Variants in CTNNA2 observed in about 807,000 individuals in gnomAD.
CTNNA2 encodes the protein catenin alpha-2.
CTNNA2 carries 42 observed loss-of-function variants against 101.0 expected under a neutral mutation model. That is an observed-to-expected ratio of 0.42 (90% CI 0.32 to 0.54). CTNNA2 has a LOEUF of 0.54. CTNNA2 is among the 20% of genes least tolerant of loss of function. The pLI is 0.14. For synonymous variants in CTNNA2, 450 were observed against 456.4 expected, an observed-to-expected ratio of 0.99 and a Z score of 0.18; for missense variants, 871 against 1,223.1, an observed-to-expected ratio of 0.71 and a Z score of 4.29.
chr2:80,060,985 C>T (rs559590931), intron 7 of CTNNA2, among the ~76,000 whole-genome samples: 2 of 152,210 alleles, frequency 1.3e-5, no homozygotes, highest in South Asian at 4.1e-4. Flanking sequence ...AGAACTACCC[C>T]CTGGAATGGC....
At chr2:79,743,233 C>T (rs1671418670) in intron 2 of CTNNA2, among the ~76,000 whole-genome samples, 1 of 151,644 alleles carries the variant, frequency 6.6e-6, no homozygotes, top group Non-Finnish European at 1.5e-5. Context: ...GAATATGGAA[C>T]AGTTGCATTC....
At chr2:80,525,342 C>G (rs938881326) in intron 9 of CTNNA2, among the ~76,000 whole-genome samples, 1 of 152,066 alleles carries the variant, frequency 6.6e-6, no homozygotes, top group South Asian at 2.1e-4. Context: ...AGGGCAGGTC[C>G]CGGAAGTCTT....
chr2:79,207,178 C>T (rs1435048749), intron 2 of CTNNA2, among the ~76,000 whole-genome samples: 1 of 152,144 alleles, frequency 6.6e-6, no homozygotes, highest in Non-Finnish European at 1.5e-5. Context: ...TAAGTGAAAA[C>T]TAGAATCTCA....
intron 15 of CTNNA2, among the ~76,000 whole-genome samples, chr2:80,595,050 G>T (rs1290943429): frequency 6.6e-6 from 1 of 152,048 alleles, no homozygotes; most frequent in Non-Finnish European, 1.5e-5. Flanking sequence ...ATGCCTTTGG[G>T]TTTTGATAGG....
chr2:79,988,123 A>G (rs1166109381), intron 7 of CTNNA2, among the ~76,000 whole-genome samples: 1 of 152,184 alleles, frequency 6.6e-6, no homozygotes, highest in Non-Finnish European at 1.5e-5. Context: ...ACAGGACACA[A>G]TGGGAATTTC....
intron 9 of CTNNA2, among the ~76,000 whole-genome samples, chr2:80,493,249 G>T (rs1687201334): frequency 6.6e-6 from 1 of 152,180 alleles, no homozygotes; most frequent in Admixed American, 6.6e-5. Context: ...GAAGGAGAAA[G>T]AATTGTCTGT....
At chr2:80,509,806 G>T (rs1413337911) in intron 9 of CTNNA2, among the ~76,000 whole-genome samples, 1 of 152,116 alleles carries the variant, frequency 6.6e-6, no homozygotes, top group African/African-American at 2.4e-5. Context: ...TAGTTATAAG[G>T]TAATAGAGCT....
At chr2:79,542,662 C>G (rs1406203391) in intron 1 of CTNNA2, among the ~76,000 whole-genome samples, 3 of 152,080 alleles carry the variant, frequency 2.0e-5, no homozygotes, top group Non-Finnish European at 4.4e-5. Flanking sequence ...AAGTTTATAG[C>G]GTAGTACCTT....
intron 7 of CTNNA2, among the ~76,000 whole-genome samples, chr2:79,989,212 C>T (rs1157160473): frequency 6.6e-6 from 1 of 152,112 alleles, no homozygotes; most frequent in Non-Finnish European, 1.5e-5. Flanking sequence ...AAAATACAAA[C>T]ATTTCAAAGG....
At chr2:80,078,182 C>A (rs1698883210) in intron 7 of CTNNA2, among the ~76,000 whole-genome samples, 1 of 152,120 alleles carries the variant, frequency 6.6e-6, no homozygotes, top group African/African-American at 2.4e-5. Flanking sequence ...ATACAGAGAT[C>A]AAAGGTGACT....
At chr2:79,491,425 T>G in intron 4 of CTNNA2, among the ~76,000 whole-genome samples, 1 of 152,140 alleles carries the variant, frequency 6.6e-6, no homozygotes, top group Non-Finnish European at 1.5e-5. Context: ...ACCAAGGAGA[T>G]TTAGATTTAA....
chr2:80,141,239 A>G (rs1010831529), intron 7 of CTNNA2, among the ~76,000 whole-genome samples: 4 of 152,158 alleles, frequency 2.6e-5, no homozygotes, highest in African/African-American at 7.2e-5. Context: ...TCACCAAGAA[A>G]GAAAGCCCTC....
chr2:79,404,406 G>A (rs1489629255), intron 4 of CTNNA2, among the ~76,000 whole-genome samples: 4 of 152,028 alleles, frequency 2.6e-5, no homozygotes, highest in African/African-American at 9.7e-5. Flanking sequence ...TGTACTTGGA[G>A]GTAATTCTTC....
At chr2:79,526,943 T>G (rs2103906436) in intron 1 of CTNNA2, among the ~76,000 whole-genome samples, 1 of 152,274 alleles carries the variant, frequency 6.6e-6, no homozygotes, top group East Asian at 1.9e-4. Context: ...TTTCTTGTAT[T>G]AGGCAGTAGA....
At chr2:79,275,366 A>T (rs1183168921) in intron 2 of CTNNA2, among the ~76,000 whole-genome samples, 2 of 151,986 alleles carry the variant, frequency 1.3e-5, no homozygotes, top group East Asian at 1.9e-4. Flanking sequence ...AACACATCAT[A>T]AAAAAATACA....
At chr2:79,812,816 C>T (rs1677156106) in intron 3 of CTNNA2, among the ~76,000 whole-genome samples, 1 of 152,118 alleles carries the variant, frequency 6.6e-6, no homozygotes, top group Non-Finnish European at 1.5e-5. Flanking sequence ...AAGCCCTCCC[C>T]AAGAGTTACC....
chr2:79,402,267 G>C (rs993021804), intron 4 of CTNNA2, among the ~76,000 whole-genome samples: 1 of 151,746 alleles, frequency 6.6e-6, no homozygotes, highest in Non-Finnish European at 1.5e-5. Flanking sequence ...GATCAGCAAA[G>C]ATGTGGAAAA....
At chr2:80,578,609 G>A (rs953077216) in intron 13 of CTNNA2, among the ~76,000 whole-genome samples, 2 of 152,174 alleles carry the variant, frequency 1.3e-5, no homozygotes, top group Non-Finnish European at 2.9e-5. Flanking sequence ...GGGCTGGATG[G>A]GTTTGTTGCG....
chr2:80,212,385 A>G (rs1268457922), intron 7 of CTNNA2, among the ~76,000 whole-genome samples: 2 of 152,122 alleles, frequency 1.3e-5, no homozygotes, highest in African/African-American at 4.8e-5. Context: ...ATTTTGAGAT[A>G]TGTCCCATCA....
Sources: allele counts gnomAD v4.1 joint callset (sites outside exome capture counted in the v4.1 genomes callset), GRCh38; gene constraint gnomAD v4.1.1; transcripts MANE v1.5; gene names NCBI Gene and HGNC (gene_info 2026-07-23, HGNC 2026-07-21).